RARB: variants seen among roughly 807,000 people sequenced by gnomAD.
The protein encoded by RARB is retinoic acid receptor beta, also known as HBV-activated protein.
A neutral mutation model predicts 51.9 loss-of-function variants in RARB; 17 were observed. The observed-to-expected ratio is 0.33, with a 90% CI of 0.22 to 0.49. The LOEUF is 0.49. Ranked by LOEUF, RARB falls within the 20% of genes least tolerant of loss-of-function variation. The pLI, the probability that RARB is intolerant of heterozygous loss-of-function variation, is 0.99. For missense variants in RARB, 369 were observed against 550.8 expected, an observed-to-expected ratio of 0.67 and a Z score of 3.30; for synonymous variants, 215 against 195.4, an observed-to-expected ratio of 1.10 and a Z score of -0.84.
intron 2 of RARB, among the ~76,000 whole-genome samples, chr3:24,975,292 T>C (rs1168662937): frequency 6.6e-6 from 1 of 152,168 alleles, no homozygotes; most frequent in Non-Finnish European, 1.5e-5. Flanking sequence ...TACTGTTATT[T>C]CTAAAATTAA....
chr3:24,848,534 G>A (rs1426024106), intron 1 of RARB, among the ~76,000 whole-genome samples: 1 of 152,156 alleles, frequency 6.6e-6, no homozygotes, highest in South Asian at 2.1e-4. Context: ...TTTGGGATGA[G>A]CATCTGCGAA....
chr3:25,143,533 T>A (rs963675478), intron 4 of RARB, among the ~76,000 whole-genome samples: 2 of 152,028 alleles, frequency 1.3e-5, no homozygotes, highest in African/African-American at 4.8e-5. Context: ...CAGGTTAGAG[T>A]TGGTTACCTG....
At chr3:25,433,004 C>A (rs755003565) in intron 1 of RARB, among the ~76,000 whole-genome samples, 2 of 152,088 alleles carry the variant, frequency 1.3e-5, no homozygotes, top group Non-Finnish European at 2.9e-5. Context: ...TACATTTATC[C>A]TTAAATGACA....
intron 2 of RARB, among the ~76,000 whole-genome samples, chr3:25,044,726 A>C (rs1399036612): frequency 6.6e-6 from 1 of 152,236 alleles, no homozygotes; most frequent in African/African-American, 2.4e-5. Context: ...TAGTTAATTT[A>C]AGTAAGTATC....
intron 3 of RARB, among the ~76,000 whole-genome samples, chr3:25,100,301 C>T (rs996040499): frequency 1.3e-5 from 2 of 152,096 alleles, no homozygotes; most frequent in Non-Finnish European, 2.9e-5. Context: ...TGTTACAGTG[C>T]TTGGACAGAG....
rs149079177 is a variant in RARB at position 24,913,142 on chromosome 3, G to A, written c.-380+54390G>A. On this transcript the variant is annotated intron_variant, in intron 2 of 11. Coordinates refer to the RARB transcript ENST00000383772. ...ACTACAGGCACCCGCCACCACGCCC[G>A]GCTAATTTTGTTTTTGTATTTTTAG... Among the ~76,000 whole-genome samples, 112 of 151,280 alleles carry A rather than the reference G, an allele frequency of 7.4e-4. 2 individuals carry two copies. In the East Asian group the frequency reaches 0.017, roughly 23 times the overall value.
chr3:25,283,184 T>A (rs115073664), intron 5 of RARB, among the ~76,000 whole-genome samples: 1 of 152,174 alleles, frequency 6.6e-6, no homozygotes, highest in Non-Finnish European at 1.5e-5. Context: ...ATAGTATTAA[T>A]AAGGCCAAAA....
chr3:25,361,943 C>G (rs1188836515), intron 5 of RARB, among the ~76,000 whole-genome samples: 1 of 152,184 alleles, frequency 6.6e-6, no homozygotes, highest in African/African-American at 2.4e-5. Context: ...GTCTCCCTTT[C>G]AGGAGGCACA....
intron 5 of RARB, among the ~76,000 whole-genome samples, chr3:25,232,440 C>A (rs1302129188): frequency 6.6e-6 from 1 of 151,878 alleles, no homozygotes; most frequent in East Asian, 1.9e-4. Context: ...TACTTCTAAT[C>A]CATGAATCTA....
rs972130888 is a variant in RARB, at chr3:24,991,460, G to GAA, written c.-379-68661_-379-68660dup. On this transcript the variant is annotated intron_variant, in intron 2 of 11. Transcript: ENST00000383772. ...CTCTGTCTCAAAAAAAAAAGAAAAA[G>GAA]AAAAAGAAAAAGAAAAAAATTAGCA... Among the ~76,000 whole-genome samples the GAA allele has an allele frequency of 2.2e-4, 32 of 144,538 alleles. 1 individual carries two copies. The highest frequency in any genetic ancestry group is 3.4e-4 in the African/African-American group (13 of 37,854). 94.8% of individuals were successfully genotyped at this position (144,538 alleles called of 152,430 possible).
At chr3:24,988,402 CA>C (rs1696839659) in intron 2 of RARB, among the ~76,000 whole-genome samples, 1 of 151,990 alleles carries the variant, frequency 6.6e-6, no homozygotes, top group Non-Finnish European at 1.5e-5. Context: ...ACAAAGTATT[CA>C]AAAAAATTTA....
chr3:25,504,673 G>GA (rs1202220447), intron 3 of RARB, among the ~76,000 whole-genome samples: 1 of 150,506 alleles, frequency 6.6e-6, no homozygotes, highest in East Asian at 1.9e-4. Context: ...TGCTGTGGGA[G>GA]AAAAAAAGAA....
intron 3 of RARB, among the ~76,000 whole-genome samples, chr3:25,558,275 C>G (rs1276135054): frequency 1.3e-5 from 2 of 152,184 alleles, no homozygotes; most frequent in African/African-American, 4.8e-5. Flanking sequence ...ATCCTTATTG[C>G]TCTGCTACAA....
intron 5 of RARB, among the ~76,000 whole-genome samples, chr3:25,376,532 C>T (rs1269228660): frequency 6.6e-6 from 1 of 152,148 alleles, no homozygotes; most frequent in Non-Finnish European, 1.5e-5. Flanking sequence ...ACGTGCCATT[C>T]CTGAGTAGTA....
At chr3:25,214,877 C>T (rs1239746152) in intron 5 of RARB, among the ~76,000 whole-genome samples, 3 of 152,162 alleles carry the variant, frequency 2.0e-5, no homozygotes, top group East Asian at 1.9e-4. Flanking sequence ...ATGACCTTCA[C>T]CCATCCACTT....
intron 2 of RARB, among the ~76,000 whole-genome samples, chr3:25,059,708 G>A (rs1324968769): frequency 2.0e-5 from 3 of 151,582 alleles, no homozygotes; most frequent in Non-Finnish European, 4.4e-5. Context: ...CAAATTACAA[G>A]AGAATACGAG....
chr3:25,175,814 G>A (rs1038258156), intron 5 of RARB, among the ~76,000 whole-genome samples: 1 of 152,112 alleles, frequency 6.6e-6, no homozygotes, highest in Non-Finnish European at 1.5e-5. Context: ...CTCTGGAATT[G>A]CCTAAAAACC....
chr3:25,480,122 G>A (rs1335002809), intron 2 of RARB, among the ~76,000 whole-genome samples: 2 of 152,150 alleles, frequency 1.3e-5, no homozygotes, highest in African/African-American at 4.8e-5. Flanking sequence ...ATTTCCATTG[G>A]ATTGGGAATC....
intron 5 of RARB, among the ~76,000 whole-genome samples, chr3:25,368,571 G>A (rs766955120): frequency 1.2e-4 from 18 of 152,204 alleles, no homozygotes; most frequent in Non-Finnish European, 1.9e-4. Flanking sequence ...CAATGTGCTT[G>A]TAAGGAATTA....
Sources: allele counts gnomAD v4.1 joint callset (sites outside exome capture counted in the v4.1 genomes callset), GRCh38; gene constraint gnomAD v4.1.1; transcripts MANE v1.5; gene names NCBI Gene and HGNC (gene_info 2026-07-23, HGNC 2026-07-21).